Variants in LINGO2 observed in about 807,000 individuals in gnomAD.
LINGO2 encodes the protein leucine-rich repeat and immunoglobulin-like domain-containing nogo receptor-interacting protein 2.
LINGO2 carries 14 observed loss-of-function variants against 30.6 expected under a neutral mutation model. The ratio of observed to expected loss-of-function variants is 0.46; its 90% confidence interval spans 0.30 to 0.72. LINGO2 has a LOEUF of 0.72. Ranked by LOEUF, LINGO2 falls within the 30% of genes least tolerant of loss-of-function variation. The pLI is 0.07. For synonymous variants in LINGO2, 317 were observed against 288.5 expected (o/e 1.10, Z -1.00); for missense variants, 729 against 751.7 (o/e 0.97, Z 0.35).
At chr9:28,822,676 G>T in the LINGO2 span, among the ~76,000 whole-genome samples, 1 of 152,020 alleles carries the variant, frequency 6.6e-6, no homozygotes, top group African/African-American at 2.4e-5. Flanking sequence ...GCCCTCAAAC[G>T]TCAGACTCCA....
At chr9:29,139,222 C>A in the LINGO2 span, among the ~76,000 whole-genome samples, 38 of 152,236 alleles carry the variant, frequency 2.5e-4, no homozygotes, top group African/African-American at 8.4e-4. Context: ...AGATCATTCC[C>A]TAGACAAGCC....
chr9:29,138,588 C>A, the LINGO2 span, among the ~76,000 whole-genome samples: 1 of 151,952 alleles, frequency 6.6e-6, no homozygotes. Flanking sequence ...ATCATGAAAC[C>A]CAGGTAAGTA....
intron 4 of LINGO2, among the ~76,000 whole-genome samples, chr9:28,215,517 A>C (rs1448703619): frequency 6.6e-6 from 1 of 151,880 alleles, no homozygotes; most frequent in Non-Finnish European, 1.5e-5. Context: ...GTGGTGCTTA[A>C]ATCACATTTT....
chr9:28,022,853 T>C (rs1823198778), intron 4 of LINGO2, among the ~76,000 whole-genome samples: 1 of 127,594 alleles, frequency 7.8e-6, no homozygotes, highest in South Asian at 2.6e-4. Flanking sequence ...CAACTCTGGA[T>C]GTTCTCTGCT....
At chr9:28,692,967 T>C in the LINGO2 span, among the ~76,000 whole-genome samples, 1 of 152,262 alleles carries the variant, frequency 6.6e-6, no homozygotes, top group African/African-American at 2.4e-5. Flanking sequence ...GTTTATTATA[T>C]TAAGGTATTT....
intron 5 of LINGO2, among the ~76,000 whole-genome samples, chr9:28,012,056 G>C (rs989967017): frequency 5.3e-5 from 8 of 152,114 alleles, no homozygotes; most frequent in African/African-American, 1.9e-4. Context: ...TGCCAGCTTT[G>C]TGTCAGTACA....
At chr9:28,283,514 C>A (rs2134136297) in intron 4 of LINGO2, among the ~76,000 whole-genome samples, 1 of 152,060 alleles carries the variant, frequency 6.6e-6, no homozygotes, top group East Asian at 1.9e-4. Flanking sequence ...TATAGTAGAG[C>A]AAATAGCACA....
At chr9:28,970,731 T>C in the LINGO2 span, among the ~76,000 whole-genome samples, 3 of 152,116 alleles carry the variant, frequency 2.0e-5, no homozygotes, top group Non-Finnish European at 2.9e-5. Context: ...AGTCAGAACT[T>C]GAGTTCCTGC....
At chr9:28,004,100 C>T (rs557056661) in intron 5 of LINGO2, among the ~76,000 whole-genome samples, 14 of 152,190 alleles carry the variant, frequency 9.2e-5, no homozygotes, top group African/African-American at 2.2e-4. Context: ...ATAATTTGTA[C>T]GATATCTGTC....
chr9:28,940,954 A>G, the LINGO2 span, among the ~76,000 whole-genome samples: 111,707 of 151,104 alleles, frequency 0.74, 41,454 homozygotes, highest in Non-Finnish European at 0.78. Context: ...AAATTGACTA[A>G]TGTATCTTAA....
chr9:28,402,192 T>TA (rs1822298527), intron 2 of LINGO2, among the ~76,000 whole-genome samples: 1 of 142,828 alleles, frequency 7.0e-6, no homozygotes, highest in Non-Finnish European at 1.5e-5. Flanking sequence ...TATGAGTACT[T>TA]ATAGCCACAC....
the LINGO2 span, among the ~76,000 whole-genome samples, chr9:28,810,101 A>G: frequency 6.6e-6 from 1 of 150,912 alleles, no homozygotes; most frequent in African/African-American, 2.4e-5. Flanking sequence ...GATTTAGTCC[A>G]CATTAATGTT....
chr9:28,980,053 C>A, the LINGO2 span, among the ~76,000 whole-genome samples: 1 of 152,086 alleles, frequency 6.6e-6, no homozygotes, highest in Non-Finnish European at 1.5e-5. Flanking sequence ...TTGCTCCTCC[C>A]AACCCAGTCT....
At chr9:28,752,420 A>G in the LINGO2 span, among the ~76,000 whole-genome samples, 1 of 152,092 alleles carries the variant, frequency 6.6e-6, no homozygotes, top group East Asian at 1.9e-4. Context: ...CTGTGAGTAG[A>G]GAACATTTGA....
chr9:28,848,061 A>ATAG, the LINGO2 span, among the ~76,000 whole-genome samples: 50 of 49,702 alleles, frequency 1.0e-3, 2 homozygotes, highest in African/African-American at 5.8e-3. Context: ...ATATATATAT[A>ATAG]TGTATATAAT....
chr9:29,212,130 C>T, the LINGO2 span, among the ~76,000 whole-genome samples: 17 of 152,274 alleles, frequency 1.1e-4, no homozygotes, highest in African/African-American at 3.6e-4. Context: ...GGATCTCATC[C>T]CCGAAGTGGC....
rs561670615 is a variant in LINGO2 at position 28,580,161 on chromosome 9, G to A, written c.-365+90039C>T. Among the ~76,000 whole-genome samples the A allele has an allele frequency of 2.6e-5, 4 of 152,138 alleles. No individual in the cohort carries two copies. The East Asian group carries it at 7.7e-4, about 29-fold the overall frequency. The stretch of plus-strand genomic sequence containing the variant: ...TTCACTGGTATGTCCCTAGTAATTG[G>A]AGAGATGGGTCTTGGGCTAGGCTAG... On this transcript the variant is annotated intron_variant, in intron 1 of 5. Coordinates refer to ENST00000379992, the Ensembl canonical transcript of LINGO2.
At chr9:28,557,630 A>C (rs921939283) in intron 1 of LINGO2, among the ~76,000 whole-genome samples, 2 of 151,832 alleles carry the variant, frequency 1.3e-5, no homozygotes, top group African/African-American at 4.8e-5. Context: ...CATTTGACCC[A>C]GCCATCCCAT....
intron 4 of LINGO2, among the ~76,000 whole-genome samples, chr9:28,071,278 A>T (rs561828673): frequency 6.6e-6 from 1 of 152,240 alleles, no homozygotes; most frequent in East Asian, 1.9e-4. Context: ...ACTATTGCCA[A>T]TCAAGTTTGC....
Sources: allele counts gnomAD v4.1 joint callset (sites outside exome capture counted in the v4.1 genomes callset), GRCh38; gene constraint gnomAD v4.1.1; transcripts MANE v1.5; gene names NCBI Gene and HGNC (gene_info 2026-07-23, HGNC 2026-07-21).